The following ARHGAP10 variants were observed in gnomAD, a reference collection of about 807,000 sequenced individuals.
ARHGAP10 encodes the protein rho GTPase-activating protein 10.
In ARHGAP10, 87 loss-of-function variants were observed where a neutral mutation model predicts 108.6. That is an observed-to-expected ratio of 0.80 (90% CI 0.67 to 0.96). The LOEUF is 0.96. Among genes scored for constraint, ARHGAP10 ranks in the 40% least tolerant of loss-of-function variants. The pLI, the probability that ARHGAP10 is intolerant of heterozygous loss-of-function variation, is 0.00. For synonymous variants in ARHGAP10, 347 were observed against 341.1 expected (o/e 1.02, Z -0.19); for missense variants, 939 against 954.5 (o/e 0.98, Z 0.21).
chr4:147,982,681 G>C (rs1156753572), intron 18 of ARHGAP10, among the ~76,000 whole-genome samples: 2 of 149,844 alleles, frequency 1.3e-5, no homozygotes, highest in Non-Finnish European at 1.5e-5. Context: ...GATTACAGGT[G>C]TGAGCCACCA....
intron 16 of ARHGAP10, among the ~76,000 whole-genome samples, chr4:147,958,643 G>A (rs181543059): frequency 1.2e-4 from 19 of 152,252 alleles, no homozygotes; most frequent in Middle Eastern, 3.4e-3. Flanking sequence ...TTCATTTCAC[G>A]GTAGATACGA....
intron 1 of ARHGAP10, among the ~76,000 whole-genome samples, chr4:147,768,423 G>T (rs543344986): frequency 2.0e-5 from 3 of 151,870 alleles, no homozygotes; most frequent in South Asian, 4.2e-4. Context: ...TAAAGATTCC[G>T]CTGTTAACAT....
chr4:147,878,374 C>T (rs1207671441), intron 8 of ARHGAP10, among the ~76,000 whole-genome samples: 7 of 152,290 alleles, frequency 4.6e-5, no homozygotes, highest in East Asian at 1.9e-4. Context: ...GGATTACAGG[C>T]GTGAGCCACT....
intron 18 of ARHGAP10, among the ~76,000 whole-genome samples, chr4:147,988,090 C>G (rs993288334): frequency 6.6e-6 from 1 of 152,130 alleles, no homozygotes; most frequent in Non-Finnish European, 1.5e-5. Flanking sequence ...GTTTTTATTT[C>G]CCTTACTGCA....
intron 1 of ARHGAP10, among the ~76,000 whole-genome samples, chr4:147,782,953 TTATA>T (rs911188236): frequency 1.4e-5 from 2 of 139,850 alleles, no homozygotes; most frequent in African/African-American, 2.6e-5. Context: ...ATTATATAAA[TTATA>T]TATAATATAT....
intron 1 of ARHGAP10, among the ~76,000 whole-genome samples, chr4:147,741,786 A>G (rs1439837562): frequency 3.0e-4 from 6 of 20,038 alleles, no homozygotes; most frequent in African/African-American, 4.0e-4. Context: ...ACACACACAC[A>G]CACACGCACA....
chr4:148,042,066 G>A (rs1477472486), intron 19 of ARHGAP10, among the ~76,000 whole-genome samples: 4 of 152,102 alleles, frequency 2.6e-5, no homozygotes, highest in African/African-American at 9.7e-5. Flanking sequence ...ATACTGCCAC[G>A]TGGATTTTTT....
chr4:147,745,682 G>A (rs1467296813), intron 1 of ARHGAP10, among the ~76,000 whole-genome samples: 4 of 151,934 alleles, frequency 2.6e-5, no homozygotes, highest in African/African-American at 4.8e-5. Flanking sequence ...TAGTAGAGAC[G>A]GGGTTTCACC....
intron 19 of ARHGAP10, among the ~76,000 whole-genome samples, chr4:148,040,652 A>G (rs1171556094): frequency 6.6e-6 from 1 of 151,978 alleles, no homozygotes; most frequent in Non-Finnish European, 1.5e-5. Flanking sequence ...AGAACCCTGC[A>G]GGGTTTAAAT....
At chr4:147,795,990 G>A (rs1002870341) in intron 1 of ARHGAP10, among the ~76,000 whole-genome samples, 6 of 152,126 alleles carry the variant, frequency 3.9e-5, no homozygotes, top group African/African-American at 1.4e-4. Context: ...ATCATGCCCA[G>A]CTTCCTTTTG....
At chr4:147,845,602 A>C (rs1395393610) in intron 3 of ARHGAP10, among the ~76,000 whole-genome samples, 1 of 152,178 alleles carries the variant, frequency 6.6e-6, no homozygotes, top group Non-Finnish European at 1.5e-5. Flanking sequence ...GAACTTGAGC[A>C]GTTGTTAGCT....
rs1553962455 is a variant in ARHGAP10 at position 147,913,058 on chromosome 4, A to G, written c.1163-16A>G. 1 of 1,606,446 alleles carries G rather than the reference A, an allele frequency of 6.2e-7. No homozygotes were observed. The highest frequency in any genetic ancestry group is 8.5e-7 in the Non-Finnish European group (1 of 1,173,190). Reference sequence around the variant, plus strand: ...ATAATAATTGTACACTTAATGTTTTAAACTGTTTCTTGTAGATGCACAGTT... The same window carrying G: ...ATAATAATTGTACACTTAATGTTTTGAACTGTTTCTTGTAGATGCACAGTT... On this transcript the variant is annotated splice_polypyrimidine_tract_variant and intron_variant, in intron 12 of 22. Coordinates refer to ENST00000336498, the MANE Select transcript of ARHGAP10 (RefSeq NM_024605.4).
chr4:147,784,474 A>G (rs1181919149), intron 1 of ARHGAP10, among the ~76,000 whole-genome samples: 4 of 123,498 alleles, frequency 3.2e-5, no homozygotes, highest in Non-Finnish European at 4.7e-5. Flanking sequence ...TATAATTTAT[A>G]TTTATATATA....
intron 1 of ARHGAP10, among the ~76,000 whole-genome samples, chr4:147,796,864 T>C (rs1458863292): frequency 6.6e-6 from 1 of 152,214 alleles, no homozygotes; most frequent in East Asian, 1.9e-4. Flanking sequence ...GCCATAGTTA[T>C]AACATTCTAT....
Position 147,929,947 on chromosome 4 carries a change from A to G in ARHGAP10, c.1229-9878A>G, listed in dbSNP as rs545942076. Among the ~76,000 whole-genome samples, 167 of 152,302 alleles carry G rather than the reference A, an allele frequency of 1.1e-3. 1 individual carries two copies. The highest frequency in any genetic ancestry group is 4.1e-4 in the Non-Finnish European group (28 of 68,026). ...CCTATATTTGCATTTGTGCATACAC[A>G]TGTGTGTATATATATGCACATGTGC... On this transcript the variant is annotated intron_variant, in intron 13 of 22. Coordinates refer to ENST00000336498, the MANE Select transcript of ARHGAP10 (RefSeq NM_024605.4).
Position 147,985,930 on chromosome 4 carries a change from C to T in ARHGAP10, c.1716+19091C>T, listed in dbSNP as rs183421105. On this transcript the variant is annotated intron_variant, in intron 18 of 22. Coordinates refer to ENST00000336498, the MANE Select transcript of ARHGAP10 (RefSeq NM_024605.4). The stretch of plus-strand genomic sequence containing the variant: ...TTGAGGCTTCACTCACTTTTACCAG[C>T]CAGATGCCATCATGGAGGCTGTTTG... Among the ~76,000 whole-genome samples the T allele has an allele frequency of 3.4e-3, 520 of 152,162 alleles. 3 individuals carry two copies. The highest frequency in any genetic ancestry group is 0.012 in the African/African-American group (496 of 41,460).
chr4:147,906,783 A>G lies in ARHGAP10; in HGVS notation c.1116+64A>G. 2.5e-6 allele frequency: 4 copies of G among 1,581,282 alleles called. 1 individual carries two copies. The African/African-American group carries it at 4.0e-5, about 16-fold the overall frequency. ...TTAGAGTTGACTTGCATTCATTTTT[A>G]TGTTATTTTTGTGTAGTATTTGAGA... On this transcript the variant is annotated intron_variant, in intron 11 of 22. Coordinates refer to ENST00000336498, the MANE Select transcript of ARHGAP10 (RefSeq NM_024605.4).
At chr4:147,732,676 C>T (rs1728267457) in intron 1 of ARHGAP10, among the ~76,000 whole-genome samples, 1 of 152,126 alleles carries the variant, frequency 6.6e-6, no homozygotes, top group Non-Finnish European at 1.5e-5. Flanking sequence ...TGCGGCTCTG[C>T]GGCGGCGGGA....
chr4:147,786,575 T>C (rs1730902064), intron 1 of ARHGAP10, among the ~76,000 whole-genome samples: 1 of 152,240 alleles, frequency 6.6e-6, no homozygotes, highest in Non-Finnish European at 1.5e-5. Context: ...AGTTTCAATG[T>C]ACAGCAGTAG....
Sources: gnomAD v4.1 joint callset for allele counts (sites outside exome capture counted in the v4.1 genomes callset) on GRCh38, gnomAD v4.1.1 for gene constraint, MANE v1.5 for transcripts, NCBI Gene and HGNC (gene_info 2026-07-23, HGNC 2026-07-21) for gene names.